Variants in BDP1 observed in about 807,000 individuals in gnomAD.
BDP1 encodes BDP1 general transcription factor IIIB subunit.
Under a neutral mutation model 266.6 loss-of-function variants are expected in BDP1, and 169 were observed. The ratio of observed to expected loss-of-function variants is 0.63; its 90% confidence interval spans 0.56 to 0.72. BDP1 has a LOEUF of 0.72. Ranked by LOEUF, BDP1 falls within the 30% of genes least tolerant of loss-of-function variation. The pLI is 0.00. For synonymous variants in BDP1, 1,090 were observed against 1,022.4 expected (o/e 1.07, Z -1.26); for missense variants, 3,015 against 3,053.8 (o/e 0.99, Z 0.30).
intron 7 of BDP1, among the ~76,000 whole-genome samples, chr5:71,482,324 AG>A (rs1212664008): frequency 2.0e-5 from 3 of 152,208 alleles, no homozygotes; most frequent in Admixed American, 6.5e-5. Flanking sequence ...AATTGAGCCC[AG>A]GCAGAGAGCC....
chr5:71,458,337 A>G (rs185322868), intron 1 of BDP1, among the ~76,000 whole-genome samples: 2 of 152,206 alleles, frequency 1.3e-5, no homozygotes, highest in Admixed American at 6.5e-5. Context: ...TATGTGCTGT[A>G]ATGTGCCTAG....
chr5:71,498,451 T>A (rs566893030), intron 13 of BDP1, among the ~76,000 whole-genome samples: 124 of 150,458 alleles, frequency 8.2e-4, no homozygotes, highest in African/African-American at 2.8e-3. Flanking sequence ...TGAGATGGAG[T>A]CTTGCTCTGT....
intron 14 of BDP1, 61 bp from the exon 15 acceptor site, chr5:71,502,538 C>A: frequency 7.3e-7 from 1 of 1,363,282 alleles, no homozygotes; most frequent in Non-Finnish European, 1.0e-6. Flanking sequence ...TTATTCATGC[C>A]AGGGAGAAGG....
At chr5:71,542,535 T>C (rs2150565446) in intron 30 of BDP1, among the ~76,000 whole-genome samples, 1 of 152,228 alleles carries the variant, frequency 6.6e-6, no homozygotes, top group Admixed American at 6.5e-5. Flanking sequence ...TCTCTCATAG[T>C]TGACCCTTGA....
At chr5:71,526,789 G>A (rs1265817622) in intron 25 of BDP1, among the ~76,000 whole-genome samples, 1 of 149,886 alleles carries the variant, frequency 6.7e-6, no homozygotes, top group Non-Finnish European at 1.5e-5. Context: ...CCAGGTTTAA[G>A]TGATTATCCT....
At chr5:71,512,488 A>C in intron 18 of BDP1, 60 bp downstream of exon 18, 2 of 1,162,884 alleles carry the variant, frequency 1.7e-6, no homozygotes, top group Non-Finnish European at 1.2e-6. Flanking sequence ...ACGTTAAACT[A>C]AGTGAGGTTT....
intron 22 of BDP1, among the ~76,000 whole-genome samples, chr5:71,519,677 A>G (rs1450687872): frequency 6.6e-6 from 1 of 152,158 alleles, no homozygotes; most frequent in Non-Finnish European, 1.5e-5. Flanking sequence ...TCCATTGTGT[A>G]TATATACCAC....
At chr5:71,562,201 A>C in intron 37 of BDP1, 73 bp from the exon 38 acceptor site, 1 of 845,958 alleles carries the variant, frequency 1.2e-6, no homozygotes, top group Non-Finnish European at 1.6e-6. Flanking sequence ...GTCTCAAAAA[A>C]AAAAAAAAAA....
At chr5:71,488,450 C>T (rs1373756352) in intron 9 of BDP1, among the ~76,000 whole-genome samples, 30 of 137,868 alleles carry the variant, frequency 2.2e-4, no homozygotes, top group Non-Finnish European at 3.1e-4. Context: ...TTTTTTGAGA[C>T]GGAGTTTTGC....
chr5:71,459,292 A>G (rs916985052), intron 2 of BDP1, among the ~76,000 whole-genome samples: 4 of 152,170 alleles, frequency 2.6e-5, no homozygotes, highest in African/African-American at 9.7e-5. Flanking sequence ...GGGGCAGATC[A>G]CTTGAGGTCA....
chr5:71,458,462 AT>A (rs536997378), intron 1 of BDP1, 116 bp from the exon 2 acceptor site: 36,398 of 515,048 alleles, frequency 0.071, 43 homozygotes, highest in Non-Finnish European at 0.081. Flanking sequence ...CAAGTTACTA[AT>A]TTTTTTTTTT....
rs1479302685 is a variant in BDP1, at chr5:71,567,462, T to G, written c.*2577T>G. 6.6e-6 allele frequency: 1 copy of G among 152,252 alleles called. No individual in the cohort carries two copies. Among genetic ancestry groups the G allele is most frequent in the Non-Finnish European group, 1.5e-5 (1 of 68,010 alleles). 9.4% of individuals were successfully genotyped at this position (152,252 alleles called of 1,614,324 possible). On this transcript the variant is annotated 3_prime_UTR_variant, in exon 39 of 39. Coordinates refer to ENST00000358731, the MANE Select transcript of BDP1 (RefSeq NM_018429.3). ...CCTTACATGTTGGAAAGAACTATGT[T>G]AGGTCTGATTCATGTGAAGAAGATG...
At chr5:71,574,372 C>T in the BDP1 span, among the ~76,000 whole-genome samples, 176 of 152,308 alleles carry the variant, frequency 1.2e-3, no homozygotes, top group African/African-American at 3.7e-3. Context: ...TGTCAGGAAA[C>T]GAGACGGGGC....
rs777040477 is a variant in BDP1, at chr5:71,516,079, T to G, written c.4668T>G (p.Thr1556=). Residue 1556 remains threonine (T), a synonymous_variant, in exon 21 of 39, where the codon ACT becomes ACG. Transcript: ENST00000358731. The part of the protein sequence containing the change: ...VVSVGTNNVN[T]FQQEMKESVI... ...TGTTTAGGACTAATAATGTAAACAC[T>G]TTCCAGCAAGAAATGAAGGAAAGTG... is the stretch of plus-strand genomic sequence containing the variant. 6.2e-7 allele frequency: 1 copy of G among 1,607,312 alleles called. No homozygotes were observed. Among genetic ancestry groups the G allele is most frequent in the African/African-American group, 1.3e-5 (1 of 74,760 alleles).
intron 6 of BDP1, among the ~76,000 whole-genome samples, chr5:71,468,092 C>CA (rs1762011545): frequency 6.6e-6 from 1 of 151,956 alleles, no homozygotes; most frequent in Admixed American, 6.6e-5. Context: ...GATCTCGGCT[C>CA]ACTGCAACCT....
chr5:71,460,668 T>C (rs1209390013), intron 2 of BDP1, among the ~76,000 whole-genome samples: 1 of 152,112 alleles, frequency 6.6e-6, no homozygotes, highest in Non-Finnish European at 1.5e-5. Context: ...GAGCTGAAAT[T>C]GTGCTACTGC....
intron 9 of BDP1, among the ~76,000 whole-genome samples, chr5:71,488,835 G>A (rs1321571296): frequency 6.6e-6 from 1 of 151,894 alleles, no homozygotes; most frequent in African/African-American, 2.4e-5. Flanking sequence ...AGCCTCCCGA[G>A]CAGCTGGGAT....
chr5:71,574,188 T>C, the BDP1 span, among the ~76,000 whole-genome samples: 2 of 152,124 alleles, frequency 1.3e-5, no homozygotes, highest in African/African-American at 4.8e-5. Context: ...ATTATAATTG[T>C]GGAAAAACTG....
At chr5:71,489,353 A>C in intron 9 of BDP1, 51 bp from the exon 10 acceptor site, 1 of 1,426,382 alleles carries the variant, frequency 7.0e-7, no homozygotes, top group Non-Finnish European at 9.5e-7. Context: ...CACCTTTACA[A>C]ATTTTTCTTT....
Sources: allele counts gnomAD v4.1 joint callset (sites outside exome capture counted in the v4.1 genomes callset), GRCh38; gene constraint gnomAD v4.1.1; transcripts MANE v1.5; gene names NCBI Gene and HGNC (gene_info 2026-07-23, HGNC 2026-07-21).